Variants in SLC25A29 observed in about 807,000 individuals in gnomAD.
The protein encoded by SLC25A29 is solute carrier family 25 member 29, also known as mitochondrial basic amino acids transporter.
A neutral mutation model predicts 10.0 loss-of-function variants in SLC25A29; 13 were observed. The ratio of observed to expected loss-of-function variants is 1.30; its 90% CI spans 0.85 to 2.07. The LOEUF (loss-of-function observed/expected upper bound fraction) is 2.07, where lower values mean the gene tolerates loss of function less well. SLC25A29 is among the 30% of genes most tolerant of loss of function. The probability of loss-of-function intolerance (pLI) is 0.00; values close to 1 mark genes in which losing one functional copy is unlikely to be tolerated. For missense variants in SLC25A29, 475 were observed against 447.6 expected (o/e 1.06, Z -0.55); for synonymous variants, 244 against 221.1 (o/e 1.10, Z -0.92).
At chr14:100,300,611 C>T (rs1892477437) in intron 1 of SLC25A29, among the ~76,000 whole-genome samples, 1 of 152,098 alleles carries the variant, frequency 6.6e-6, no homozygotes, top group African/African-American at 2.4e-5. Flanking sequence ...AAGAAAACTC[C>T]TGACTTCAAA....
At chr14:100,297,322 G>A (rs538932285) in intron 2 of SLC25A29, among the ~76,000 whole-genome samples, 77 of 152,320 alleles carry the variant, frequency 5.1e-4, no homozygotes, top group African/African-American at 1.6e-3. Flanking sequence ...GGTGCTGCTC[G>A]CGGGCTCAGT....
At position 100,292,823 on chromosome 14, in the gene SLC25A29, G is replaced by A; in HGVS notation, c.372C>T (p.Asp124=). ...ELAKTRLQLQ[D]AGPARTYKGS... ...CCTTGTAGGTGCGCGCTGGGCCCGC[G>A]TCCTGCAGCTGCAGCCGCGTCTTGG... Residue 124 remains aspartate, a synonymous_variant, in exon 4 of 4, where the codon GAC becomes GAT. Transcript: ENST00000359232. 1 of 1,591,474 alleles carries A rather than the reference G, an allele frequency of 6.3e-7. No homozygotes were observed. Among genetic ancestry groups the A allele is most frequent in the South Asian group, 1.1e-5 (1 of 88,690 alleles).
intron 2 of SLC25A29, among the ~76,000 whole-genome samples, chr14:100,296,748 G>A (rs992634161): frequency 2.2e-4 from 33 of 150,394 alleles, no homozygotes; most frequent in African/African-American, 3.2e-4. Context: ...ACAGGCACCC[G>A]CCACCACGCC....
At chr14:100,289,077 G>A (rs1891605195), downstream of SLC25A29, among the ~76,000 whole-genome samples, 1 of 152,230 alleles carries the variant, frequency 6.6e-6, no homozygotes, top group African/African-American at 2.4e-5. Context: ...GCTCTTGTGA[G>A]CCTAGGGAGC....
At chr14:100,283,418 G>A in the SLC25A29 span, among the ~76,000 whole-genome samples, 1 of 151,982 alleles carries the variant, frequency 6.6e-6, no homozygotes, top group East Asian at 1.9e-4. Context: ...AAGTAGGGCT[G>A]AGCTGAGCAA....
rs1236778106 is a variant in SLC25A29, at chr14:100,306,250, G to A, written c.-18C>T. The A allele has an allele frequency of 2.0e-6, 3 of 1,484,178 alleles. No homozygotes were observed. The highest frequency in any genetic ancestry group is 2.7e-6 in the Non-Finnish European group (3 of 1,120,846). The allele number at this position is 1,484,178 out of a possible 1,614,324, so 91.9% of individuals were successfully genotyped here. ...AGCGCCATGGCCGGGTCCCCGGCGAGGCCGCCTTTCCTCCTCGTCCTCCCC... is the reference window on the plus strand; with the variant it reads ...AGCGCCATGGCCGGGTCCCCGGCGAAGCCGCCTTTCCTCCTCGTCCTCCCC... On this transcript the variant is annotated 5_prime_UTR_variant, in exon 1 of 4. Transcript: ENST00000359232.
chr14:100,306,199 C>T lies in SLC25A29; in HGVS notation c.34G>A (p.Gly12Ser), dbSNP rs1406547534. 3 of 1,507,352 alleles carry T rather than the reference C, an allele frequency of 2.0e-6. No homozygotes were observed. Among genetic ancestry groups the T allele is most frequent in the Admixed American group, 2.2e-5 (1 of 45,444 alleles). 93.4% of individuals were successfully genotyped at this position (1,507,352 alleles called of 1,614,324 possible). A position where few individuals can be genotyped will look rare whatever the true frequency, so the allele number is the denominator to read the frequency against. The change falls in exon 1 of 4, where the codon GGT becomes AGT. Residue 12 changes from glycine to serine, a missense_variant and splice_region_variant. Gly to Ser is a moderately conservative substitution (Grantham distance 56). Coordinates refer to ENST00000359232, the MANE Select transcript of SLC25A29 (RefSeq NM_001039355.3). The part of the protein sequence containing the change: ...ALDFLAGCAG[G>S]VAGVLVGHPF... ...CCGGCCCGGCCCGCCGCCTCCTTAC[C>T]CCCCGCGCATCCAGCCAAGAAGTCC... is the stretch of plus-strand genomic sequence containing the variant.
downstream of SLC25A29, among the ~76,000 whole-genome samples, chr14:100,290,958 C>A (rs1284554466): frequency 6.6e-6 from 1 of 152,240 alleles, no homozygotes; most frequent in Non-Finnish European, 1.5e-5. Flanking sequence ...GATGAGAAAA[C>A]AGGCTCTCAG....
chr14:100,291,286 C>A lies in SLC25A29; in HGVS notation c.*997G>T, dbSNP rs1409929522. 6.6e-6 allele frequency: 1 copy of A among 152,308 alleles called. No homozygotes were observed. The highest frequency in any genetic ancestry group is 1.9e-4 in the East Asian group (1 of 5,192). The allele number at this position is 152,308 out of a possible 1,614,324, so 9.4% of individuals were successfully genotyped here. On this transcript the variant is annotated 3_prime_UTR_variant, in exon 4 of 4. Transcript: ENST00000359232. ...CTGTGCCCACTAGCAGGCCCTGTGC[C>A]TTCACAGGGATGAAGCCCTGGCACT...
At position 100,306,244 on chromosome 14, in the gene SLC25A29, C is replaced by T. The variant is rs1459370027; in HGVS notation, c.-12G>A. On this transcript the variant is annotated 5_prime_UTR_variant, in exon 1 of 4. Coordinates refer to ENST00000359232, the MANE Select transcript of SLC25A29 (RefSeq NM_001039355.3). ...AAGTCCAGCGCCATGGCCGGGTCCCCGGCGAGGCCGCCTTTCCTCCTCGTC... is the reference window on the plus strand; with the variant it reads ...AAGTCCAGCGCCATGGCCGGGTCCCTGGCGAGGCCGCCTTTCCTCCTCGTC... 3 of 1,485,966 alleles carry T rather than the reference C, an allele frequency of 2.0e-6. No homozygotes were observed. The highest frequency in any genetic ancestry group is 1.9e-4 in the Middle Eastern group (1 of 5,282). The allele number at this position is 1,485,966 out of a possible 1,614,324, so 92.0% of individuals were successfully genotyped here.
Position 100,292,610 on chromosome 14 carries a change from C to T in SLC25A29, c.585G>A (p.Ala195=). Residue 195 remains alanine (A), a synonymous_variant, in exon 4 of 4, where the codon GCG becomes GCA. Transcript: ENST00000359232. ...AGGACACGATGCCTGACGTACCGCC[C>T]GCCAACAGCAGCTTGGGCACCAGCA... is the stretch of plus-strand genomic sequence containing the variant. ...DRLLVPKLLL[A]GGTSGIVSWL... 2 of 1,605,790 alleles carry T rather than the reference C, an allele frequency of 1.2e-6. No individual in the cohort carries two copies. Among genetic ancestry groups the T allele is most frequent in the East Asian group, 2.2e-5 (1 of 44,460 alleles).
the SLC25A29 span, among the ~76,000 whole-genome samples, chr14:100,283,863 A>G: frequency 1.3e-5 from 2 of 151,852 alleles, no homozygotes; most frequent in Non-Finnish European, 2.9e-5. Flanking sequence ...CTGCCTGGCT[A>G]TAATTTTTTA....
chr14:100,297,987 C>T (rs1892284729), intron 2 of SLC25A29: 1 of 152,426 alleles, frequency 6.6e-6, no homozygotes. Flanking sequence ...TGGATGCAAT[C>T]CACCCCTTAT....
intron 2 of SLC25A29, chr14:100,296,061 C>T: frequency 7.9e-7 from 1 of 1,264,446 alleles, no homozygotes. Context: ...TACGGACTGA[C>T]ACAGACTCGG....
chr14:100,299,358 G>A (rs932304469), intron 1 of SLC25A29: 1 of 1,015,392 alleles, frequency 9.8e-7, no homozygotes, highest in Admixed American at 5.1e-5. Context: ...CTCTGTCTCT[G>A]GGCCTCACTC....
In SLC25A29 at chr14:100,301,671, G is replaced by A. The variant is rs8019722; in HGVS notation, c.35-2786C>T. 7.0e-3 allele frequency among the ~76,000 whole-genome samples: 1,064 copies of A among 151,592 alleles called. 14 individuals are homozygous for A. The highest frequency in any genetic ancestry group is 0.025 in the African/African-American group (1,018 of 41,338). On this transcript the variant is annotated intron_variant, in intron 1 of 3. Coordinates refer to ENST00000359232, the MANE Select transcript of SLC25A29 (RefSeq NM_001039355.3). Reference sequence around the variant, plus strand: ...AATACAGGTGCCCGCCACCACGCCTGGCTAATTTTTTGCATATTTAGTAGA... The same window carrying A: ...AATACAGGTGCCCGCCACCACGCCTAGCTAATTTTTTGCATATTTAGTAGA...
intron 2 of SLC25A29, 47 bp from the exon 3 acceptor site, chr14:100,293,424 A>T: frequency 6.3e-7 from 1 of 1,576,848 alleles, no homozygotes; most frequent in Non-Finnish European, 8.7e-7. Context: ...GGACCAGAGC[A>T]CCCAGCTCCC....
chr14:100,293,023 G>A lies in SLC25A29; in HGVS notation c.172C>T (p.Leu58=). The A allele has an allele frequency of 2.6e-6, 4 of 1,547,870 alleles. No homozygotes were observed. Among genetic ancestry groups the A allele is most frequent in the Non-Finnish European group, 3.5e-6 (4 of 1,149,680 alleles). Residue 58 remains leucine (L), a synonymous_variant, in exon 4 of 4, where the codon CTG becomes TTG. Coordinates refer to ENST00000359232, the MANE Select transcript of SLC25A29 (RefSeq NM_001039355.3). ...AGCGGCGAGCCCAGGCCCTTGTACAGGCCCAGCACCTGCGGGGACAGAGAC... is the reference window on the plus strand; with the variant it reads ...AGCGGCGAGCCCAGGCCCTTGTACAAGCCCAGCACCTGCGGGGACAGAGAC... ...SIIKQESVLG[L]YKGLGSPLMG... is the part of the protein sequence containing the mutation.
At position 100,292,173 on chromosome 14, in the gene SLC25A29, G is replaced by C; in HGVS notation, c.*110C>G. 7.1e-7 allele frequency: 1 copy of C among 1,411,366 alleles called. No homozygotes were observed. Among genetic ancestry groups the C allele is most frequent in the Non-Finnish European group, 9.6e-7 (1 of 1,039,524 alleles). The allele number at this position is 1,411,366 out of a possible 1,614,324, so 87.4% of individuals were successfully genotyped here. ...AGCAAAATTCAGCCCACGTCTGATAGACTCCACAGCTCGCAGCATCCCAGC... is the reference window on the plus strand; with the variant it reads ...AGCAAAATTCAGCCCACGTCTGATACACTCCACAGCTCGCAGCATCCCAGC... On this transcript the variant is annotated 3_prime_UTR_variant, in exon 4 of 4. Coordinates refer to ENST00000359232, the MANE Select transcript of SLC25A29 (RefSeq NM_001039355.3).
Sources: allele counts gnomAD v4.1 joint callset (sites outside exome capture counted in the v4.1 genomes callset), GRCh38; gene constraint gnomAD v4.1.1; transcripts MANE v1.5; gene names NCBI Gene and HGNC (gene_info 2026-07-23, HGNC 2026-07-21).